Variants in IL12RB1 observed in about 807,000 individuals in gnomAD.
IL12RB1 encodes the protein interleukin-12 receptor subunit beta-1.
Under a neutral mutation model 94.4 loss-of-function variants are expected in IL12RB1, and 64 were observed. That is an observed-to-expected ratio of 0.68 (90% CI 0.55 to 0.83). IL12RB1 has a LOEUF of 0.83. IL12RB1 is among the 40% of genes least tolerant of loss of function. IL12RB1 has a pLI of 0.00. For synonymous variants in IL12RB1, 362 were observed against 355.5 expected (o/e 1.02, Z -0.21); for missense variants, 814 against 855.6 (o/e 0.95, Z 0.61).
At chr19:18,086,722 A>G (rs957421258) in intron 1 of IL12RB1, 38 bp downstream of exon 1, 2 of 1,584,526 alleles carry the variant, frequency 1.3e-6, no homozygotes. Flanking sequence ...GCCTCCACCC[A>G]GCAAGAGGAG....
At chr19:18,085,976 G>A (rs2036302514) in intron 1 of IL12RB1, among the ~76,000 whole-genome samples, 4 of 151,966 alleles carry the variant, frequency 2.6e-5, no homozygotes, top group Admixed American at 2.6e-4. Context: ...AGCACTTTGG[G>A]AGGCCAAGGT....
intron 13 of IL12RB1, among the ~76,000 whole-genome samples, chr19:18,062,980 A>G (rs535160958): frequency 1.4e-5 from 2 of 147,746 alleles, no homozygotes; most frequent in East Asian, 4.0e-4. Flanking sequence ...ACCCGACAAC[A>G]GAGCCTGTGT....
chr19:18,061,065 C>A (rs2034084705), intron 15 of IL12RB1, 57 bp downstream of exon 15: 1 of 910,026 alleles, frequency 1.1e-6, no homozygotes, highest in Admixed American at 2.0e-5. Context: ...AATGCGTAAC[C>A]CTTGTCCAGC....
intron 2 of IL12RB1, among the ~76,000 whole-genome samples, chr19:18,082,939 C>T (rs892432437): frequency 2.0e-5 from 3 of 151,990 alleles, no homozygotes; most frequent in Non-Finnish European, 2.9e-5. Flanking sequence ...AAAAATTAGC[C>T]GGGTGTGGTG....
chr19:18,079,395 C>T (rs1028429026), intron 4 of IL12RB1, among the ~76,000 whole-genome samples: 71 of 152,234 alleles, frequency 4.7e-4, no homozygotes, highest in African/African-American at 1.5e-3. Flanking sequence ...TGAACCACTG[C>T]ACCCAGCCCT....
chr19:18,081,389 C>T (rs566780650), intron 3 of IL12RB1, among the ~76,000 whole-genome samples: 1 of 151,412 alleles, frequency 6.6e-6, no homozygotes, highest in African/African-American at 2.4e-5. Flanking sequence ...AGCCACCGTG[C>T]CCAGCCCCCA....
chr19:18,093,124 G>A (rs1209255293), intron 1 of IL12RB1, among the ~76,000 whole-genome samples: 2 of 151,812 alleles, frequency 1.3e-5, no homozygotes, highest in Non-Finnish European at 2.9e-5. Flanking sequence ...GGCAAACATG[G>A]TGAAACCCTG....
At chr19:18,089,843 G>A (rs539360747), upstream of IL12RB1, among the ~76,000 whole-genome samples, 241 of 152,322 alleles carry the variant, frequency 1.6e-3, no homozygotes, top group Non-Finnish European at 2.4e-3. Flanking sequence ...CCGAGGGGCA[G>A]CTGAGCTGGC....
rs2146059240 is a variant in IL12RB1, at chr19:18,059,897, G to A, written c.1980C>T (p.Ala660=). Residue 660 remains alanine (A), a synonymous_variant, in exon 16 of 17, where the codon GCC becomes GCT. Transcript: ENST00000593993. ...CTGGCCCACTGGGCCCCAGGACCTTGGCCTTGCACCTGTCTCCATCCTCCA... is the reference window on the plus strand; with the variant it reads ...CTGGCCCACTGGGCCCCAGGACCTTAGCCTTGCACCTGTCTCCATCCTCCA... ...LSLEDGDRCK[A]KM 1 of 1,567,112 alleles carries A rather than the reference G, an allele frequency of 6.4e-7. No individual in the cohort carries two copies. Among genetic ancestry groups the A allele is most frequent in the Non-Finnish European group, 8.7e-7 (1 of 1,153,182 alleles).
rs436857 is a variant in IL12RB1 at position 18,086,825 on chromosome 19, G to A, written c.-2C>T. On this transcript the variant is annotated 5_prime_UTR_variant, in exon 1 of 17. Coordinates refer to ENST00000593993, the MANE Select transcript of IL12RB1 (RefSeq NM_005535.3). ...CACCCAGGTCACCAGCGGCTCCATC[G>A]GATCCACGTAGAGCCCCACAGCCCC... is the stretch of plus-strand genomic sequence containing the variant. The A allele has an allele frequency of 0.19, 304,192 of 1,608,412 alleles. 29,775 individuals are homozygous for A. Among genetic ancestry groups the A allele is most frequent in the Non-Finnish European group, 0.2 (237,227 of 1,177,532 alleles).
At chr19:18,077,814 A>G (rs1322221755) in intron 4 of IL12RB1, among the ~76,000 whole-genome samples, 159 bp from the exon 5 acceptor site, 1 of 152,214 alleles carries the variant, frequency 6.6e-6, no homozygotes, top group East Asian at 1.9e-4. Flanking sequence ...ATGATCAAAA[A>G]GTCAAGATTT....
intron 1 of IL12RB1, among the ~76,000 whole-genome samples, chr19:18,093,915 G>T (rs2036760311): frequency 6.6e-6 from 1 of 152,124 alleles, no homozygotes; most frequent in African/African-American, 2.4e-5. Flanking sequence ...CGAAGAGTGG[G>T]GAGCTTCCCT....
In IL12RB1 at chr19:18,075,861, G is replaced by C. The variant is rs2035434533; in HGVS notation, c.588C>G (p.Cys196Trp). Residue 196 changes from cysteine to tryptophan, a missense_variant, in exon 7 of 17, where the codon TGC becomes TGG. By Grantham distance (215) the Cys-to-Trp change is radical (BLOSUM62 -2). Coordinates refer to ENST00000593993, the MANE Select transcript of IL12RB1 (RefSeq NM_005535.3). ...CGPQDDDTESCLCPLEMNVAQ... is the reference protein window; with the variant it reads ...CGPQDDDTESWLCPLEMNVAQ... ...CCACATTCATCTCCAGGGGGCAGAGGCAGGACTCTGGGGAGAGGCAGGTCG... is the reference window on the plus strand; with the variant it reads ...CCACATTCATCTCCAGGGGGCAGAGCCAGGACTCTGGGGAGAGGCAGGTCG... 1.2e-6 allele frequency: 2 copies of C among 1,612,868 alleles called. No individual in the cohort carries two copies. The highest frequency in any genetic ancestry group is 1.7e-5 in the Admixed American group (1 of 59,976).
Position 18,083,454 on chromosome 19 carries a change from CG to C in IL12RB1, c.101del (p.Pro34ArgfsTer17). ...CRTSECCFQD[P>X]PYPDADSGSA... ...AACCTGAGTCTGCATCCGGATATGG[CG>C]GGTCCTGAAAACAGCACTCACTGGT... is the stretch of plus-strand genomic sequence containing the variant. On this transcript the variant is annotated frameshift_variant, in exon 2 of 17. Transcript: ENST00000593993. LOFTEE classifies it high-confidence loss of function. 1 of 1,613,956 alleles carries C rather than the reference CG, an allele frequency of 6.2e-7. No individual in the cohort carries two copies. The highest frequency in any genetic ancestry group is 8.5e-7 in the Non-Finnish European group (1 of 1,179,970).
rs1266740887 is a variant in IL12RB1, at chr19:18,061,210, G to T, written c.1716-13C>A. On this transcript the variant is annotated splice_polypyrimidine_tract_variant and intron_variant, in intron 14 of 16. Coordinates refer to ENST00000593993, the MANE Select transcript of IL12RB1 (RefSeq NM_005535.3). The stretch of plus-strand genomic sequence containing the variant: ...GTGCCGTGCGGCCCTGGGGAGGAAA[G>T]GGGACCAGTGAGAGGAGCTGAGGTT... 7 of 1,490,646 alleles carry T rather than the reference G, an allele frequency of 4.7e-6. No homozygotes were observed. The Admixed American group carries it at 6.3e-5, about 13-fold the overall frequency. The allele number at this position is 1,490,646 out of a possible 1,614,324, so 92.3% of individuals were successfully genotyped here.
At chr19:18,070,207 G>A (rs966657430) in intron 9 of IL12RB1, among the ~76,000 whole-genome samples, 20 of 152,152 alleles carry the variant, frequency 1.3e-4, no homozygotes, top group Admixed American at 4.6e-4. Context: ...GGCATAATCC[G>A]CCGCATCCAG....
chr19:18,091,327 T>C (rs1268457912), upstream of IL12RB1: 1 of 152,170 alleles, frequency 6.6e-6, no homozygotes, highest in Admixed American at 6.5e-5. Context: ...CTGAGATAAG[T>C]TCCCAGGGCT....
chr19:18,083,127 G>A lies in IL12RB1; in HGVS notation c.124+305C>T, dbSNP rs1045359472. 1.5e-5 allele frequency: 5 copies of A among 333,238 alleles called. No homozygotes were observed. The South Asian group carries it at 1.7e-4, about 11-fold the overall frequency. The allele number at this position is 333,238 out of a possible 1,614,324, so 20.6% of individuals were successfully genotyped here. On this transcript the variant is annotated intron_variant, in intron 2 of 16. Coordinates refer to ENST00000593993, the MANE Select transcript of IL12RB1 (RefSeq NM_005535.3). ...AAATGTTCTAATAATTTATCAGGTT[G>A]GGGGGGGGGCTTCAAAATGCTTAAC...
At chr19:18,085,256 T>C (rs1201432372) in intron 1 of IL12RB1, among the ~76,000 whole-genome samples, 1 of 151,970 alleles carries the variant, frequency 6.6e-6, no homozygotes, top group African/African-American at 2.4e-5. Context: ...GCCCCAAGTG[T>C]CCAACCTTGA....
Sources: allele counts gnomAD v4.1 joint callset (sites outside exome capture counted in the v4.1 genomes callset), GRCh38; gene constraint gnomAD v4.1.1; transcripts MANE v1.5; gene names NCBI Gene and HGNC (gene_info 2026-07-23, HGNC 2026-07-21).